PRDM6: variants seen among roughly 807,000 people sequenced by gnomAD.
PRDM6 encodes PR/SET domain 6.
In PRDM6, 25 loss-of-function variants were observed where a neutral mutation model predicts 60.8. The ratio of observed to expected loss-of-function variants is 0.41; its 90% CI spans 0.30 to 0.57. The LOEUF is 0.57. PRDM6 is among the 20% of genes least tolerant of loss of function. PRDM6 has a pLI of 0.27. For missense variants in PRDM6, 839 were observed against 821.3 expected, an observed-to-expected ratio of 1.02 and a Z score of -0.26; for synonymous variants, 407 against 357.4, an observed-to-expected ratio of 1.14 and a Z score of -1.57.
At chr5:123,129,371 A>G (rs563732321) in intron 3 of PRDM6, among the ~76,000 whole-genome samples, 3 of 152,160 alleles carry the variant, frequency 2.0e-5, no homozygotes, top group Non-Finnish European at 2.9e-5. Flanking sequence ...CATTTTCACA[A>G]TATTGATTCT....
chr5:123,097,129 T>A (rs929710735), intron 2 of PRDM6, among the ~76,000 whole-genome samples: 6 of 152,398 alleles, frequency 3.9e-5, no homozygotes, highest in African/African-American at 1.2e-4. Context: ...TAGCTATTTT[T>A]GCAAAGGTGC....
chr5:123,148,595 C>CT (rs10709227), intron 3 of PRDM6, among the ~76,000 whole-genome samples: 2,220 of 147,238 alleles, frequency 0.015, 59 homozygotes, highest in African/African-American at 0.052. Flanking sequence ...TATGCATTGT[C>CT]TTTTTTTTTT....
intron 3 of PRDM6, among the ~76,000 whole-genome samples, chr5:123,140,275 GAA>G (rs34099859): frequency 6.1e-5 from 8 of 130,802 alleles, no homozygotes; most frequent in East Asian, 4.0e-4. Flanking sequence ...CTTTCTTTCA[GAA>G]AAAAAAAAAA....
intron 6 of PRDM6, 61 bp downstream of exon 6, chr5:123,171,169 C>T: frequency 7.4e-7 from 1 of 1,359,904 alleles, no homozygotes; most frequent in African/African-American, 1.5e-5. Context: ...GCTTGCCTTC[C>T]CGCCAACTTC....
intron 2 of PRDM6, among the ~76,000 whole-genome samples, chr5:123,098,586 C>T (rs1269191905): frequency 6.6e-6 from 1 of 152,334 alleles, no homozygotes; most frequent in Non-Finnish European, 1.5e-5. Flanking sequence ...ACCGCCCGGC[C>T]CGGAGGGTGG....
At chr5:123,097,297 C>G (rs956803331) in intron 2 of PRDM6, among the ~76,000 whole-genome samples, 2 of 152,128 alleles carry the variant, frequency 1.3e-5, no homozygotes, top group South Asian at 4.1e-4. Flanking sequence ...ATTTTCATGG[C>G]CCCCAAAGTT....
rs1257612467 is a variant in PRDM6 at position 123,145,071 on chromosome 5, C to A, written c.901-10813C>A. ...GCAAACAAGACAGATTTTATCCTTG[C>A]CCTCATTGAGGTTATATCCTTGCAT... On this transcript the variant is annotated intron_variant, in intron 3 of 7. Transcript: ENST00000407847. Among the ~76,000 whole-genome samples, 5 of 152,290 alleles carry A rather than the reference C, an allele frequency of 3.3e-5. No homozygotes were observed. The South Asian group carries it at 8.3e-4, about 25-fold the overall frequency.
At chr5:123,169,654 A>G (rs1024897195) in intron 5 of PRDM6, among the ~76,000 whole-genome samples, 7 of 152,150 alleles carry the variant, frequency 4.6e-5, no homozygotes, top group South Asian at 4.1e-4. Flanking sequence ...GAGAGTGACT[A>G]TTTTACATTA....
intron 3 of PRDM6, among the ~76,000 whole-genome samples, chr5:123,142,199 G>A (rs1048715257): frequency 6.6e-6 from 1 of 151,996 alleles, no homozygotes; most frequent in Admixed American, 6.6e-5. Flanking sequence ...ATCCTTCTGG[G>A]TTCCAACAGT....
chr5:123,091,126 C>A (rs1045130156), intron 2 of PRDM6, among the ~76,000 whole-genome samples: 6 of 152,254 alleles, frequency 3.9e-5, no homozygotes, highest in Admixed American at 3.3e-4. Context: ...GTGGGGGAAC[C>A]GGCGGGAGCT....
intron 3 of PRDM6, among the ~76,000 whole-genome samples, chr5:123,146,334 C>T (rs1258999755): frequency 1.3e-5 from 2 of 152,200 alleles, no homozygotes; most frequent in Non-Finnish European, 2.9e-5. Flanking sequence ...ATGGAGATTT[C>T]AAGTGTGCAT....
intron 5 of PRDM6, among the ~76,000 whole-genome samples, chr5:123,165,927 A>G (rs1003527896): frequency 6.6e-6 from 1 of 152,118 alleles, no homozygotes; most frequent in Admixed American, 6.5e-5. Context: ...GTTCCTTAAT[A>G]TGGTAGCCTA....
rs921002727 is a variant in PRDM6 at position 123,190,889 on chromosome 5, T to C, written c.*3688T>C. The stretch of plus-strand genomic sequence containing the variant: ...TAGTAAAATGGGTATTTTAGTCCTT[T>C]AGACCATTGTCTCAGTGAAGTTAAA... On this transcript the variant is annotated 3_prime_UTR_variant, in exon 8 of 8. Transcript: ENST00000407847. 81 of 152,350 alleles carry C rather than the reference T, an allele frequency of 5.3e-4. 1 individual carries two copies. Among genetic ancestry groups the C allele is most frequent in the African/African-American group, 1.9e-3 (80 of 41,584 alleles). The allele number at this position is 152,350 out of a possible 1,614,324, so 9.4% of individuals were successfully genotyped here.
At chr5:123,180,437 GC>G in intron 7 of PRDM6, 114 bp downstream of exon 7, 2 of 1,109,504 alleles carry the variant, frequency 1.8e-6, no homozygotes, top group Non-Finnish European at 2.5e-6. Flanking sequence ...TACTTGGAAG[GC>G]CAGTGTCCAG....
At chr5:123,138,121 T>C (rs1765009663) in intron 3 of PRDM6, among the ~76,000 whole-genome samples, 1 of 152,200 alleles carries the variant, frequency 6.6e-6, no homozygotes, top group Admixed American at 6.5e-5. Flanking sequence ...TCACTCATGA[T>C]TTCTTGCCCA....
chr5:123,169,442 G>A (rs1765835483), intron 5 of PRDM6, among the ~76,000 whole-genome samples: 1 of 152,038 alleles, frequency 6.6e-6, no homozygotes. Flanking sequence ...CACACCCGTC[G>A]CTTCTCCTTC....
chr5:123,123,694 G>A (rs531403871), intron 3 of PRDM6, among the ~76,000 whole-genome samples: 15 of 152,088 alleles, frequency 9.9e-5, no homozygotes, highest in South Asian at 6.2e-4. Context: ...ATGATTTCTC[G>A]TTCCTCCCAT....
At position 123,192,095 on chromosome 5, in the gene PRDM6, A is replaced by G. The variant is rs1766444030; in HGVS notation, c.*4894A>G. The G allele has an allele frequency of 6.6e-6, 1 of 152,196 alleles. No homozygotes were observed. The highest frequency in any genetic ancestry group is 2.4e-5 in the African/African-American group (1 of 41,458). 9.4% of individuals were successfully genotyped at this position (152,196 alleles called of 1,614,324 possible). ...TGCCACCACTGCACTTAGAAAACCT[A>G]TGGAGGAAATTTTAATGGAAAAATA... On this transcript the variant is annotated 3_prime_UTR_variant, in exon 8 of 8. Coordinates refer to ENST00000407847, the MANE Select transcript of PRDM6 (RefSeq NM_001136239.4).
chr5:123,152,476 C>T (rs1765390701), intron 3 of PRDM6, among the ~76,000 whole-genome samples: 1 of 152,126 alleles, frequency 6.6e-6, no homozygotes, highest in Non-Finnish European at 1.5e-5. Context: ...CAAGGTTGGT[C>T]TATTGCTTGA....
Sources: gnomAD v4.1 joint callset for allele counts (sites outside exome capture counted in the v4.1 genomes callset) on GRCh38, gnomAD v4.1.1 for gene constraint, MANE v1.5 for transcripts, NCBI Gene and HGNC (gene_info 2026-07-23, HGNC 2026-07-21) for gene names.